The following ESR2 variants were observed in gnomAD, a reference collection of about 807,000 sequenced individuals.
ESR2 encodes the protein estrogen receptor 2, also known as estrogen receptor beta.
In ESR2, 36 loss-of-function variants were observed where a neutral mutation model predicts 49.6. That is an observed-to-expected ratio of 0.73 (90% CI 0.56 to 0.96). The LOEUF (loss-of-function observed/expected upper bound fraction) is 0.96. Among genes scored for constraint, ESR2 ranks in the 40% least tolerant of loss-of-function variants. ESR2 has a pLI of 0.00. For missense variants in ESR2, 714 were observed against 693.0 expected (o/e 1.03, Z -0.34); for synonymous variants, 320 against 266.1 (o/e 1.20, Z -1.97).
chr14:64,234,759 A>G, intron 8 of ESR2: 2 of 1,123,460 alleles, frequency 1.8e-6, no homozygotes, highest in Non-Finnish European at 2.4e-6. Flanking sequence ...ACTGGCTGCC[A>G]TGCAGAGCCT....
chr14:64,323,497 T>G (rs1337452788), intron 1 of ESR2, among the ~76,000 whole-genome samples: 1 of 147,266 alleles, frequency 6.8e-6, no homozygotes, highest in Non-Finnish European at 1.5e-5. Context: ...TGAGCCACCA[T>G]GCCTGGCCAA....
chr14:64,268,824 T>C lies in ESR2; in HGVS notation c.623A>G (p.Lys208Arg). ...CTTCACCATTCCCACTTCGTAACAC[T>C]TCCGAAGTCGGCAGGCCTGGCAGCT... ...RKSCQACRLRKCYEVGMVKCG... is the reference protein window; with the variant it reads ...RKSCQACRLRRCYEVGMVKCG... Residue 208 changes from lysine (K) to arginine (R), a missense_variant, in exon 4 of 9, where the codon AAG becomes AGG. By Grantham distance (26) the Lys-to-Arg change is conservative (BLOSUM62 2). Coordinates refer to ENST00000341099, the MANE Select transcript of ESR2 (RefSeq NM_001437.3). 1 of 1,613,472 alleles carries C rather than the reference T, an allele frequency of 6.2e-7. No individual in the cohort carries two copies. The highest frequency in any genetic ancestry group is 8.5e-7 in the Non-Finnish European group (1 of 1,179,382).
intron 3 of ESR2, among the ~76,000 whole-genome samples, chr14:64,275,069 G>A (rs1596442133): frequency 6.6e-6 from 1 of 152,178 alleles, no homozygotes; most frequent in African/African-American, 2.4e-5. Context: ...TGTGTATGTT[G>A]CAGCCACTGG....
In ESR2 at chr14:64,229,362, C is replaced by T. The variant is rs554802526; in HGVS notation, c.*3775G>A. 4.6e-5 allele frequency among the ~76,000 whole-genome samples: 7 copies of T among 152,192 alleles called. No individual in the cohort carries two copies. The East Asian group carries it at 1.2e-3, about 25-fold the overall frequency. On this transcript the variant is annotated 3_prime_UTR_variant, in exon 9 of 9. Coordinates refer to ENST00000341099, the MANE Select transcript of ESR2 (RefSeq NM_001437.3). Reference sequence around the variant, plus strand: ...CAGAAGACTTGCGTGCCAGTCCAAGCTTTGCCATGAGTAGTTTTATGACCT... The same window carrying T: ...CAGAAGACTTGCGTGCCAGTCCAAGTTTTGCCATGAGTAGTTTTATGACCT...
At chr14:64,240,988 C>A (rs1239940196) in intron 7 of ESR2, among the ~76,000 whole-genome samples, 1 of 150,780 alleles carries the variant, frequency 6.6e-6, no homozygotes, top group Non-Finnish European at 1.5e-5. Context: ...ACTAAAAATA[C>A]AAAAAAAATT....
intron 1 of ESR2, among the ~76,000 whole-genome samples, chr14:64,320,013 A>AT (rs2077306639): frequency 6.6e-6 from 1 of 152,232 alleles, no homozygotes; most frequent in Non-Finnish European, 1.5e-5. Flanking sequence ...TATAATTGTC[A>AT]AAAATTGGAA....
chr14:64,280,010 C>A lies in ESR2; in HGVS notation c.506G>T (p.Cys169Phe), dbSNP rs1273276574. 2.5e-6 allele frequency: 4 copies of A among 1,614,062 alleles called. No individual in the cohort carries two copies. Among genetic ancestry groups the A allele is most frequent in the Non-Finnish European group, 3.4e-6 (4 of 1,180,022 alleles). Residue 169 changes from cysteine to phenylalanine, a missense_variant, in exon 3 of 9, where the codon TGT becomes TTT. Physicochemically the swap from Cys to Phe is radical, Grantham distance 205. Transcript: ENST00000341099. ...YHYGVWSCEG[C>F]KAFFKRSIQG... is the part of the protein sequence containing the mutation. ...AATGCTTCTTTTAAAAAAGGCCTTA[C>A]ATCCTTCACACGACCAGACTCCATA...
intron 1 of ESR2, among the ~76,000 whole-genome samples, chr14:64,291,998 T>A (rs1222272673): frequency 6.6e-6 from 1 of 152,132 alleles, no homozygotes; most frequent in East Asian, 1.9e-4. Flanking sequence ...GTATTTCAAT[T>A]CAGGATAACT....
In ESR2 at chr14:64,335,503, A is replaced by T. The variant is rs141898980; in HGVS notation, c.-91+2395T>A. Among the ~76,000 whole-genome samples, 370 of 152,282 alleles carry T rather than the reference A, an allele frequency of 2.4e-3. 2 individuals carry two copies. The highest frequency in any genetic ancestry group is 7.8e-3 in the African/African-American group (323 of 41,548). On this transcript the variant is annotated intron_variant, in intron 1 of 8. Transcript: ENST00000358599. Reference sequence around the variant, plus strand: ...TGCCTTCTCACCATGTCCTTAAATGACTGACAGAAGAAAGCTCTGGACTCC... The same window carrying T: ...TGCCTTCTCACCATGTCCTTAAATGTCTGACAGAAGAAAGCTCTGGACTCC...
At chr14:64,248,526 A>G (rs1427205859) in intron 7 of ESR2, among the ~76,000 whole-genome samples, 2 of 151,354 alleles carry the variant, frequency 1.3e-5, no homozygotes. Flanking sequence ...AAAAAAAGAA[A>G]AAAAAAAAGA....
At chr14:64,295,508 T>G (rs2076945286), upstream of ESR2, among the ~76,000 whole-genome samples, 1 of 152,076 alleles carries the variant, frequency 6.6e-6, no homozygotes, top group Admixed American at 6.5e-5. Context: ...CCACCCTAAG[T>G]CCAATTTTCA....
rs953486727 is a variant in ESR2 at position 64,249,453 on chromosome 14, A to T, written c.1225+93T>A. 1.1e-5 allele frequency: 15 copies of T among 1,407,146 alleles called. No homozygotes were observed. In the African/African-American group the frequency reaches 2.0e-4, roughly 19 times the overall value. 87.2% of individuals were successfully genotyped at this position (1,407,146 alleles called of 1,614,324 possible). On this transcript the variant is annotated intron_variant, in intron 7 of 8. Transcript: ENST00000341099. ...GGAAACCATTTTACCCTTTCAAATA[A>T]AATAGAAGTTCAACATTCTTCTTAA...
At chr14:64,303,362 T>C in intron 1 of ESR2, 1 of 148,726 alleles carries the variant, frequency 6.7e-6, no homozygotes, top group East Asian at 2.0e-4. Context: ...AAACATTACA[T>C]ACAAATCAGC....
intron 1 of ESR2, among the ~76,000 whole-genome samples, chr14:64,287,012 T>C (rs1384767983): frequency 1.3e-5 from 2 of 151,152 alleles, no homozygotes; most frequent in East Asian, 3.9e-4. Context: ...TCACCGTGCC[T>C]GGCCTGAAGT....
chr14:64,242,451 A>ATAT (rs1555571835), intron 7 of ESR2, among the ~76,000 whole-genome samples: 6 of 126,700 alleles, frequency 4.7e-5, no homozygotes, highest in African/African-American at 1.7e-4. Context: ...AAACAAAAAA[A>ATAT]ATATATATAT....
chr14:64,309,739 G>A (rs952925382), intron 1 of ESR2, among the ~76,000 whole-genome samples: 3 of 152,176 alleles, frequency 2.0e-5, no homozygotes, highest in African/African-American at 7.2e-5. Flanking sequence ...AGAGGCCGAG[G>A]TGGGTGGATG....
intron 3 of ESR2, among the ~76,000 whole-genome samples, chr14:64,278,989 A>C (rs753663411): frequency 9.8e-5 from 15 of 152,318 alleles, no homozygotes; most frequent in African/African-American, 2.9e-4. Context: ...AAATATTTAC[A>C]ATCTATTCTC....
At chr14:64,296,355 C>A (rs150305325), upstream of ESR2, among the ~76,000 whole-genome samples, 173 of 152,296 alleles carry the variant, frequency 1.1e-3, 2 homozygotes, top group South Asian at 4.6e-3. Context: ...AGAAAGGAAC[C>A]CAGTAACAAC....
At chr14:64,228,118 A>G, downstream of ESR2, 1 of 1,211,420 alleles carries the variant, frequency 8.3e-7, no homozygotes, top group Middle Eastern at 2.7e-4. Context: ...AAGAAGATAC[A>G]TTAAAGCAGA....
Sources: allele counts gnomAD v4.1 joint callset (sites outside exome capture counted in the v4.1 genomes callset), GRCh38; gene constraint gnomAD v4.1.1; transcripts MANE v1.5; gene names NCBI Gene and HGNC (gene_info 2026-07-23, HGNC 2026-07-21).